HPS1: variants seen among roughly 807,000 people sequenced by gnomAD.
HPS1 encodes HPS1 biogenesis of lysosomal organelles complex 3 subunit 1.
A neutral mutation model predicts 90.6 loss-of-function variants in HPS1; 59 were observed. The ratio of observed to expected loss-of-function variants is 0.65; its 90% CI spans 0.53 to 0.81. The LOEUF is 0.81. Among genes scored for constraint, HPS1 ranks in the 30% least tolerant of loss-of-function variants. HPS1 has a pLI of 0.00. For synonymous variants in HPS1, 388 were observed against 384.4 expected, an observed-to-expected ratio of 1.01 and a Z score of -0.11; for missense variants, 849 against 896.7, an observed-to-expected ratio of 0.95 and a Z score of 0.68.
chr10:98,431,327 C>T, intron 6 of HPS1, 36 bp from the exon 7 acceptor site: 1 of 1,609,860 alleles, frequency 6.2e-7, no homozygotes, highest in Non-Finnish European at 8.5e-7. Flanking sequence ...AGCCATATCA[C>T]CAACAACCTT....
At chr10:98,420,006 G>T in intron 18 of HPS1, 39 bp downstream of exon 18, 2 of 1,205,850 alleles carry the variant, frequency 1.7e-6, no homozygotes, top group Non-Finnish European at 2.5e-6. Flanking sequence ...CGGGAAGTGT[G>T]TGTGGCCCGT....
At chr10:98,419,821 A>G (rs1844618910) in intron 18 of HPS1, among the ~76,000 whole-genome samples, 1 of 152,254 alleles carries the variant, frequency 6.6e-6, no homozygotes, top group Non-Finnish European at 1.5e-5. Flanking sequence ...CCACGTGGAC[A>G]ATGGCAAGAG....
At chr10:98,429,990 C>T in intron 8 of HPS1, 101 bp from the exon 9 acceptor site, 2 of 1,008,176 alleles carry the variant, frequency 2.0e-6, no homozygotes, top group Non-Finnish European at 1.5e-6. Context: ...CACCCCTCCA[C>T]CCCTCCACCC....
chr10:98,414,999 A>G, downstream of HPS1: 1 of 1,602,566 alleles, frequency 6.2e-7, no homozygotes, highest in East Asian at 2.2e-5. Context: ...GGCCTGCTTT[A>G]CCACTTTACC....
intron 10 of HPS1, among the ~76,000 whole-genome samples, chr10:98,427,570 A>G (rs1371049860): frequency 6.6e-6 from 1 of 152,096 alleles, no homozygotes; most frequent in African/African-American, 2.4e-5. Flanking sequence ...GTAGAGGGGC[A>G]TCTTCCTCCC....
At chr10:98,419,815 G>A (rs956605330) in intron 18 of HPS1, among the ~76,000 whole-genome samples, 34 of 152,252 alleles carry the variant, frequency 2.2e-4, no homozygotes, top group Admixed American at 9.2e-4. Flanking sequence ...TGGATGCCAC[G>A]TGGACAATGG....
intron 8 of HPS1, among the ~76,000 whole-genome samples, chr10:98,430,125 G>A (rs1330203413): frequency 6.6e-6 from 1 of 152,228 alleles, no homozygotes; most frequent in Non-Finnish European, 1.5e-5. Flanking sequence ...TACCCCTGGT[G>A]ATGAGGTCAA....
chr10:98,435,278 C>T lies in HPS1; in HGVS notation c.392G>A (p.Arg131Gln), dbSNP rs199755594. ...GLVTVDGHLI[R>Q]KELRPPDLAQ... is the part of the protein sequence containing the mutation. ...ACCAGCTTTGAAGACTCACTCCTTTCGGATAAGATGACCGTCCACAGTCAC... is the reference window on the plus strand; with the variant it reads ...ACCAGCTTTGAAGACTCACTCCTTTTGGATAAGATGACCGTCCACAGTCAC... Residue 131 changes from arginine to glutamine, a missense_variant, in exon 5 of 20, where the codon CGA (arginine) becomes CAA (glutamine). Arg to Gln is a conservative substitution (Grantham distance 43). Transcript: ENST00000361490. The surrounding 1 kb of genome is among the most constrained non-coding windows in gnomAD (Gnocchi z 4.3). 6 of 1,614,024 alleles carry T rather than the reference C, an allele frequency of 3.7e-6. No homozygotes were observed. The highest frequency in any genetic ancestry group is 4.5e-5 in the East Asian group (2 of 44,858).
In HPS1 at chr10:98,420,176, A is replaced by G; in HGVS notation, c.1744-18T>C. 1 of 1,559,210 alleles carries G rather than the reference A, an allele frequency of 6.4e-7. No individual in the cohort carries two copies. Among genetic ancestry groups the G allele is most frequent in the Non-Finnish European group, 8.8e-7 (1 of 1,130,340 alleles). ...GACCAGACCTGGGGAAAAGACAGCA[A>G]GCATCACCACTCTCCCAGCCTTGGT... On this transcript the variant is annotated intron_variant, in intron 17 of 19. Transcript: ENST00000361490.
At chr10:98,418,305 G>A (rs1346085941) in intron 18 of HPS1, 48 bp from the exon 19 acceptor site, 1 of 1,125,956 alleles carries the variant, frequency 8.9e-7, no homozygotes, top group Non-Finnish European at 1.3e-6. Flanking sequence ...TAGTGCAAGG[G>A]CCTGAGTCAG....
Position 98,416,398 on chromosome 10 carries a change from G to A in HPS1, c.*1166C>T, listed in dbSNP as rs901455684. On this transcript the variant is annotated 3_prime_UTR_variant, in exon 20 of 20. Transcript: ENST00000361490. ...TTTTTCTGTATTTTCCACAATCCAC[G>A]CTTTTCATTGCCATTCCATCAGATG... The A allele has an allele frequency of 6.6e-6, 1 of 152,306 alleles. No individual in the cohort carries two copies. The highest frequency in any genetic ancestry group is 1.5e-5 in the Non-Finnish European group (1 of 68,054). 9.4% of individuals were successfully genotyped at this position (152,306 alleles called of 1,614,324 possible).
At chr10:98,431,015 G>T in intron 7 of HPS1, 116 bp downstream of exon 7, 1 of 1,082,764 alleles carries the variant, frequency 9.2e-7, no homozygotes, top group Non-Finnish European at 1.4e-6. Context: ...GAAGGTTTCA[G>T]GCTTCATGGA....
chr10:98,438,147 A>C (rs1425218533), intron 3 of HPS1, among the ~76,000 whole-genome samples: 1 of 152,234 alleles, frequency 6.6e-6, no homozygotes, highest in African/African-American at 2.4e-5. Flanking sequence ...ACCCAGTCTC[A>C]GGCAGTTCTT....
chr10:98,420,091 T>A lies in HPS1; in HGVS notation c.1811A>T (p.Glu604Val), dbSNP rs746674273. 6 of 1,614,088 alleles carry A rather than the reference T, an allele frequency of 3.7e-6. No homozygotes were observed. The highest frequency in any genetic ancestry group is 5.1e-6 in the Non-Finnish European group (6 of 1,179,976). Reference sequence around the variant, plus strand: ...GAAGTAGGAGCAGTAGAAATCCCCCTCCTGGAACAGCAGCGTGGTGTAGCC... The same window carrying A: ...GAAGTAGGAGCAGTAGAAATCCCCCACCTGGAACAGCAGCGTGGTGTAGCC... ...QKGYTTLLFQ[E>V]GDFYCSYFLW... Residue 604 changes from glutamate to valine, a missense_variant, in exon 18 of 20, where the codon GAG becomes GTG. Physicochemically the swap from Glu to Val is moderately radical, Grantham distance 121 (BLOSUM62 -2). Coordinates refer to ENST00000361490, the MANE Select transcript of HPS1 (RefSeq NM_000195.5).
downstream of HPS1, among the ~76,000 whole-genome samples, chr10:98,415,350 G>C (rs543235333): frequency 1.6e-4 from 24 of 152,332 alleles, no homozygotes; most frequent in African/African-American, 5.3e-4. Flanking sequence ...TTAACCAGGC[G>C]GTGTCACCTC....
downstream of HPS1, among the ~76,000 whole-genome samples, chr10:98,415,653 C>T (rs983213614): frequency 6.6e-6 from 1 of 152,228 alleles, no homozygotes; most frequent in Non-Finnish European, 1.5e-5. Context: ...GCCTCTACGC[C>T]CACAGGAGGC....
rs1238825682 is a variant in HPS1 at position 98,427,256 on chromosome 10, T to C, written c.946A>G (p.Ile316Val). 1.3e-6 allele frequency: 2 copies of C among 1,551,214 alleles called. No homozygotes were observed. The highest frequency in any genetic ancestry group is 2.0e-5 in the Admixed American group (1 of 51,004). ...GGGGGGGTGCCCCCCTCCAGCCAGA[T>C]GGTGCTACCTGCAGGCCACAGGTAA... ...SPGDQSSGST[I>V]WLEGGTPPMD... Residue 316 changes from isoleucine (I) to valine (V), a missense_variant, in exon 11 of 20, where the codon ATC becomes GTC. By Grantham distance (29) the Ile-to-Val change is conservative (BLOSUM62 3). Coordinates refer to ENST00000361490, the MANE Select transcript of HPS1 (RefSeq NM_000195.5).
At chr10:98,431,035 T>A in intron 7 of HPS1, 96 bp downstream of exon 7, 3 of 1,318,954 alleles carry the variant, frequency 2.3e-6, no homozygotes, top group Non-Finnish European at 3.2e-6. Flanking sequence ...AGGAGGTGAT[T>A]CTTGGCTGGG....
rs1844268357 is a variant in HPS1, at chr10:98,417,650, A to G, written c.2017T>C (p.Ser673Pro). ...RCYELLALHLSVIPTDLLVQQ... is the reference protein window; with the variant it reads ...RCYELLALHLPVIPTDLLVQQ... ...ACCAGCAGGTCAGTGGGGATGACAGACAGGTGCAGGGCCAGCAGCTCGTAG... is the reference window on the plus strand; with the variant it reads ...ACCAGCAGGTCAGTGGGGATGACAGGCAGGTGCAGGGCCAGCAGCTCGTAG... Residue 673 changes from serine to proline, a missense_variant, in exon 20 of 20, where the codon TCT becomes CCT. Physicochemically the swap from Ser to Pro is moderately conservative, Grantham distance 74. Coordinates refer to ENST00000361490, the MANE Select transcript of HPS1 (RefSeq NM_000195.5). This position sits in a 1 kb window ranked among gnomAD's most constrained non-coding sequence, Gnocchi z 4.2. 2.5e-6 allele frequency: 4 copies of G among 1,613,726 alleles called. No homozygotes were observed. The highest frequency in any genetic ancestry group is 3.4e-6 in the Non-Finnish European group (4 of 1,179,934).
Sources: allele counts gnomAD v4.1 joint callset (sites outside exome capture counted in the v4.1 genomes callset), GRCh38; gene constraint gnomAD v4.1.1; non-coding constraint Gnocchi (gnomAD v3.1); transcripts MANE v1.5; gene names NCBI Gene and HGNC (gene_info 2026-07-23, HGNC 2026-07-21).